Variants in SHROOM1 observed in about 807,000 individuals in gnomAD.
SHROOM1 encodes shroom family member 1, also known as protein Shroom1.
SHROOM1 carries 53 observed loss-of-function variants against 64.2 expected under a neutral mutation model. That is an observed-to-expected ratio of 0.83 (90% CI 0.66 to 1.04). The LOEUF is 1.04. Among genes scored for constraint, SHROOM1 ranks in the 50% least tolerant of loss-of-function variants. The probability of loss-of-function intolerance (pLI) is 0.00; values close to 1 mark genes in which losing one functional copy is unlikely to be tolerated. For missense variants in SHROOM1, 1,179 were observed against 1,163.2 expected (o/e 1.01, Z -0.20); for synonymous variants, 490 against 518.9 (o/e 0.94, Z 0.76).
In SHROOM1 at chr5:132,826,494, C is replaced by G. The variant is rs1176391797; in HGVS notation, c.-260G>C. 1 of 261,930 alleles carries G rather than the reference C, an allele frequency of 3.8e-6. No individual in the cohort carries two copies. Among genetic ancestry groups the G allele is most frequent in the Non-Finnish European group, 7.2e-6 (1 of 139,456 alleles). The allele number at this position is 261,930 out of a possible 1,614,324, so 16.2% of individuals were successfully genotyped here. A position where few individuals can be genotyped will look rare whatever the true frequency, so the allele number is the denominator to read the frequency against. On this transcript the variant is annotated 5_prime_UTR_variant, in exon 3 of 10. Transcript: ENST00000378679. ...GCCTTTACCCTGAGACCTCCTGGAA[C>G]GCTGAGAATGTACCCATGTTCCTTT...
chr5:132,824,467 A>T (rs750795652), intron 6 of SHROOM1, 48 bp from the exon 7 acceptor site: 1 of 1,522,718 alleles, frequency 6.6e-7, no homozygotes, highest in Non-Finnish European at 8.8e-7. Flanking sequence ...AGCCACAAAC[A>T]AATGGTGGCC....
At position 132,824,111 on chromosome 5, in the gene SHROOM1, C is replaced by T. The variant is rs1338955487; in HGVS notation, c.1550G>A (p.Gly517Asp). The T allele has an allele frequency of 2.5e-6, 4 of 1,614,082 alleles. No individual in the cohort carries two copies. Among genetic ancestry groups the T allele is most frequent in the Non-Finnish European group, 8.5e-7 (1 of 1,180,010 alleles). The change falls in exon 7 of 10, where the codon GGT becomes GAT. Residue 517 changes from glycine to aspartate, a missense_variant. Coordinates refer to ENST00000378679, the MANE Select transcript of SHROOM1 (RefSeq NM_001172700.2). ...ALGLSGNDTP[G>D]PSHNTALARG... ...GGCTAGGGCAGTATTGTGAGAGGGA[C>T]CTGGAGTATCATTGCCTGAAAGTCC...
Position 132,824,294 on chromosome 5 carries a change from C to T in SHROOM1, c.1367G>A (p.Gly456Glu), listed in dbSNP as rs1758576169. 21 of 1,613,716 alleles carry T rather than the reference C, an allele frequency of 1.3e-5. No individual in the cohort carries two copies. The highest frequency in any genetic ancestry group is 1.8e-5 in the Non-Finnish European group (21 of 1,179,824). The change falls in exon 7 of 10, where the codon GGG becomes GAG. Residue 456 changes from glycine to glutamate, a missense_variant. Coordinates refer to ENST00000378679, the MANE Select transcript of SHROOM1 (RefSeq NM_001172700.2). The part of the protein sequence containing the change: ...GTAGADDCWQ[G>E]VNGSVGISRP... The stretch of plus-strand genomic sequence containing the variant: ...GGAAATACCTACAGAACCATTCACC[C>T]CCTGCCAGCAGTCATCTGCCCCTGC...
chr5:132,825,936 C>A lies in SHROOM1; in HGVS notation c.205G>T (p.Gly69Cys). Reference sequence around the variant, plus strand: ...GCGTCGGGCGGGGCGGGGCCCGGGCCGCCCCAAACCACACGCACGTAGTCC... The same window carrying A: ...GCGTCGGGCGGGGCGGGGCCCGGGCAGCCCCAAACCACACGCACGTAGTCC... ...DWDYVRVVWG[G>C]PGPAPPDAAL... Residue 69 changes from glycine to cysteine, a missense_variant, in exon 4 of 10, where the codon GGC becomes TGC. Transcript: ENST00000378679. This position sits in a 1 kb window ranked among gnomAD's most constrained non-coding sequence, Gnocchi z 5.1. The A allele has an allele frequency of 7.2e-7, 1 of 1,391,140 alleles. No homozygotes were observed. Among genetic ancestry groups the A allele is most frequent in the Non-Finnish European group, 9.4e-7 (1 of 1,065,328 alleles). The allele number at this position is 1,391,140 out of a possible 1,614,324, so 86.2% of individuals were successfully genotyped here.
chr5:132,830,247 T>G lies in SHROOM1; in HGVS notation c.-501+347A>C. The G allele has an allele frequency of 1.0e-6, 1 of 985,240 alleles. No individual in the cohort carries two copies. The highest frequency in any genetic ancestry group is 1.2e-6 in the Non-Finnish European group (1 of 829,856). The allele number at this position is 985,240 out of a possible 1,614,324, so 61.0% of individuals were successfully genotyped here. ...GAAGGACCCGGCTTCTCCAGATGCT[T>G]GGCGACAAAGGGCAGGAGCGGAGGG... On this transcript the variant is annotated intron_variant, in intron 1 of 9. Coordinates refer to ENST00000378679, the MANE Select transcript of SHROOM1 (RefSeq NM_001172700.2). This position sits in a 1 kb window ranked among gnomAD's most constrained non-coding sequence, Gnocchi z 5.9.
chr5:132,823,521 A>G lies in SHROOM1; in HGVS notation c.1955T>C (p.Val652Ala), dbSNP rs1758532188. Residue 652 changes from valine (V) to alanine (A), a missense_variant and splice_region_variant, in exon 9 of 10, where the codon GTG becomes GCG. Coordinates refer to ENST00000378679, the MANE Select transcript of SHROOM1 (RefSeq NM_001172700.2). This position sits in a 1 kb window ranked among gnomAD's most constrained non-coding sequence, Gnocchi z 4.6. ...APNNSIQGKK[V>A]ELAARLQKML... ...CTTTTGGAGGCGGGCGGCCAGCTCCACCTACAGGGAAGGCTCAAGGCTGGG... is the reference window on the plus strand; with the variant it reads ...CTTTTGGAGGCGGGCGGCCAGCTCCGCCTACAGGGAAGGCTCAAGGCTGGG... The G allele has an allele frequency of 1.3e-6, 2 of 1,597,982 alleles. No individual in the cohort carries two copies. Among genetic ancestry groups the G allele is most frequent in the African/African-American group, 1.3e-5 (1 of 74,556 alleles).
rs112401542 is a variant in SHROOM1, at chr5:132,824,705, G to T, written c.1151C>A (p.Ser384Tyr). The T allele has an allele frequency of 8.7e-6, 14 of 1,614,126 alleles. No individual in the cohort carries two copies. In the African/African-American group the frequency reaches 1.7e-4, roughly 20 times the overall value. ...ETCIVPAWLP[S>Y]LPDEVFLEEA... ...TTCTAGGAACACTTCATCAGGAAGGGAGGGGAGCCAGGCAGGCACAATGCA... is the reference window on the plus strand; with the variant it reads ...TTCTAGGAACACTTCATCAGGAAGGTAGGGGAGCCAGGCAGGCACAATGCA... Residue 384 changes from serine to tyrosine, a missense_variant, in exon 6 of 10, where the codon TCC (serine) becomes TAC (tyrosine). Ser to Tyr is a moderately radical substitution (Grantham distance 144). Transcript: ENST00000378679.
At position 132,825,572 on chromosome 5, in the gene SHROOM1, C is replaced by T; in HGVS notation, c.569G>A (p.Ser190Asn). 1.4e-6 allele frequency: 2 copies of T among 1,404,918 alleles called. No individual in the cohort carries two copies. The highest frequency in any genetic ancestry group is 1.8e-6 in the Non-Finnish European group (2 of 1,088,106). The allele number at this position is 1,404,918 out of a possible 1,614,324, so 87.0% of individuals were successfully genotyped here. A position where few individuals can be genotyped will look rare whatever the true frequency, so the allele number is the denominator to read the frequency against. Reference sequence around the variant, plus strand: ...CGGCTCCCCCTCCCCGCCCGGGTGGCTGAGCGAGGCGGAGCGCGGGTGAGT... The same window carrying T: ...CGGCTCCCCCTCCCCGCCCGGGTGGTTGAGCGAGGCGGAGCGCGGGTGAGT... ...PATHPRSASL[S>N]HPGGEGEPAR... Residue 190 changes from serine to asparagine, a missense_variant, in exon 4 of 10, where the codon AGC becomes AAC. By Grantham distance (46) the Ser-to-Asn change is conservative (BLOSUM62 1). Transcript: ENST00000378679. This position sits in a 1 kb window ranked among gnomAD's most constrained non-coding sequence, Gnocchi z 5.1.
intron 1 of SHROOM1, chr5:132,829,696 GT>G: frequency 1.0e-6 from 1 of 985,424 alleles, no homozygotes. Flanking sequence ...GGCTCACTGT[GT>G]AGGCGCTGTC....
chr5:132,828,162 A>G (rs1478698036), intron 1 of SHROOM1, among the ~76,000 whole-genome samples: 1 of 151,912 alleles, frequency 6.6e-6, no homozygotes, highest in African/African-American at 2.4e-5. Context: ...GCTCAGAGTC[A>G]CCCTCCACCC....
At chr5:132,829,641 G>C in intron 1 of SHROOM1, 1 of 985,426 alleles carries the variant, frequency 1.0e-6, no homozygotes, top group Non-Finnish European at 1.2e-6. Flanking sequence ...CTCTGTGGAG[G>C]GGCTATCCAG....
Position 132,823,241 on chromosome 5 carries a change from C to A in SHROOM1, c.2226+9G>T. On this transcript the variant is annotated intron_variant, in intron 9 of 9. Transcript: ENST00000378679. The surrounding 1 kb of genome is among the most constrained non-coding windows in gnomAD (Gnocchi z 4.6). ...CGCCCTACTCGCTTGCAACCTGAAC[C>A]CCTTTTACCTGCTCATCAGGGTCGC... 6.3e-7 allele frequency: 1 copy of A among 1,588,546 alleles called. No individual in the cohort carries two copies. Among genetic ancestry groups the A allele is most frequent in the Non-Finnish European group, 8.5e-7 (1 of 1,174,012 alleles).
In SHROOM1 at chr5:132,826,387, C is replaced by T; in HGVS notation, c.-153G>A. The stretch of plus-strand genomic sequence containing the variant: ...AAGTAGGACCAGTCCCAGGGAGCAC[C>T]TCTGAAGGTTGAGGGCCCAGCTCAG... On this transcript the variant is annotated 5_prime_UTR_variant, in exon 3 of 10. Transcript: ENST00000378679. The T allele has an allele frequency of 2.5e-6, 2 of 809,772 alleles. No homozygotes were observed. Among genetic ancestry groups the T allele is most frequent in the Non-Finnish European group, 3.3e-6 (2 of 604,768 alleles). 50.2% of individuals were successfully genotyped at this position (809,772 alleles called of 1,614,324 possible). A position where few individuals can be genotyped will look rare whatever the true frequency, so the allele number is the denominator to read the frequency against.
chr5:132,825,879 C>CG lies in SHROOM1; in HGVS notation c.261dup (p.Ala88ArgfsTer158). ...TGCGGCCCACTGCGGGCTGCAACCG[C>CG]GGGCCGGGGCCGCGGGGATGTGCAA... On this transcript the variant is annotated frameshift_variant, in exon 4 of 10. Transcript: ENST00000378679. LOFTEE classifies it high-confidence loss of function. This position sits in a 1 kb window ranked among gnomAD's most constrained non-coding sequence, Gnocchi z 5.1. 1.5e-6 allele frequency: 2 copies of CG among 1,301,776 alleles called. No individual in the cohort carries two copies. The highest frequency in any genetic ancestry group is 2.0e-6 in the Non-Finnish European group (2 of 1,019,780). The allele number at this position is 1,301,776 out of a possible 1,614,324, so 80.6% of individuals were successfully genotyped here. A position where few individuals can be genotyped will look rare whatever the true frequency, so the allele number is the denominator to read the frequency against.
rs758407132 is a variant in SHROOM1, at chr5:132,824,840, T to C, written c.1035-19A>G. ...CAAGAACCTGGAGGCAGGGACCCCA[T>C]AGTGACCACAGTGAAAGGAAGGAAG... On this transcript the variant is annotated intron_variant, in intron 5 of 9. Transcript: ENST00000378679. The C allele has an allele frequency of 3.1e-6, 5 of 1,613,200 alleles. No individual in the cohort carries two copies. The East Asian group carries it at 6.7e-5, about 22-fold the overall frequency.
chr5:132,825,079 AG>A lies in SHROOM1; in HGVS notation c.979-7del. 1 of 1,614,120 alleles carries A rather than the reference AG, an allele frequency of 6.2e-7. No individual in the cohort carries two copies. The highest frequency in any genetic ancestry group is 8.5e-7 in the Non-Finnish European group (1 of 1,180,010). Reference sequence around the variant, plus strand: ...TCTGCTCCTTGGGGAACAGCCTGGAAGGGTGAACAGTCGACTGAAATGTGGC... The same window carrying A: ...TCTGCTCCTTGGGGAACAGCCTGGAAGGTGAACAGTCGACTGAAATGTGGC... On this transcript the variant is annotated splice_polypyrimidine_tract_variant and splice_region_variant and intron_variant, in intron 4 of 9. Coordinates refer to ENST00000378679, the MANE Select transcript of SHROOM1 (RefSeq NM_001172700.2). This position sits in a 1 kb window ranked among gnomAD's most constrained non-coding sequence, Gnocchi z 5.1.
At position 132,824,338 on chromosome 5, in the gene SHROOM1, G is replaced by A. The variant is rs986247785; in HGVS notation, c.1323C>T (p.Leu441=). ...CCCCTGCAGTTCCTGGACACTCATG[G>A]AGCGGGTACTCTGTGGGGACTGTAA... The part of the protein sequence containing the change: ...GQVTVPTEYP[L]HECPGTAGAD... Residue 441 remains leucine, a synonymous_variant, in exon 7 of 10, where the codon CTC becomes CTT. Coordinates refer to ENST00000378679, the MANE Select transcript of SHROOM1 (RefSeq NM_001172700.2). 1 of 1,609,682 alleles carries A rather than the reference G, an allele frequency of 6.2e-7. No homozygotes were observed. Among genetic ancestry groups the A allele is most frequent in the Admixed American group, 1.7e-5 (1 of 59,782 alleles).
chr5:132,824,292 C>A lies in SHROOM1; in HGVS notation c.1369G>T (p.Val457Leu). The A allele has an allele frequency of 6.2e-7, 1 of 1,613,688 alleles. No individual in the cohort carries two copies. Among genetic ancestry groups the A allele is most frequent in the Non-Finnish European group, 8.5e-7 (1 of 1,179,816 alleles). The change falls in exon 7 of 10, where the codon GTG becomes TTG. Residue 457 changes from valine to leucine, a missense_variant. Physicochemically the swap from Val to Leu is conservative, Grantham distance 32. Transcript: ENST00000378679. Reference sequence around the variant, plus strand: ...CTGGAAATACCTACAGAACCATTCACCCCCTGCCAGCAGTCATCTGCCCCT... The same window carrying A: ...CTGGAAATACCTACAGAACCATTCAACCCCTGCCAGCAGTCATCTGCCCCT... ...TAGADDCWQGVNGSVGISRPT... is the reference protein window; with the variant it reads ...TAGADDCWQGLNGSVGISRPT...
In SHROOM1 at chr5:132,825,870, C is replaced by T. The variant is rs1476188689; in HGVS notation, c.271G>A (p.Ala91Thr). ...TCTGTTGGCTGCGGCCCACTGCGGGCTGCAACCGCGGGCCGGGGCCGCGGG... is the reference window on the plus strand; with the variant it reads ...TCTGTTGGCTGCGGCCCACTGCGGGTTGCAACCGCGGGCCGGGGCCGCGGG... Reference protein sequence around the residue: ...TSPRPRPAVAARSGPQPTEVP... With the variant: ...TSPRPRPAVATRSGPQPTEVP... The change falls in exon 4 of 10, where the codon GCC becomes ACC. Residue 91 changes from alanine (A) to threonine (T), a missense_variant. Coordinates refer to ENST00000378679, the MANE Select transcript of SHROOM1 (RefSeq NM_001172700.2). This position sits in a 1 kb window ranked among gnomAD's most constrained non-coding sequence, Gnocchi z 5.1. 13 of 1,300,588 alleles carry T rather than the reference C, an allele frequency of 1.0e-5. No individual in the cohort carries two copies. Among genetic ancestry groups the T allele is most frequent in the Non-Finnish European group, 1.2e-5 (12 of 1,019,536 alleles). The allele number at this position is 1,300,588 out of a possible 1,614,324, so 80.6% of individuals were successfully genotyped here.
Sources: allele counts gnomAD v4.1 joint callset (sites outside exome capture counted in the v4.1 genomes callset), GRCh38; gene constraint gnomAD v4.1.1; non-coding constraint Gnocchi (gnomAD v3.1); transcripts MANE v1.5; gene names NCBI Gene and HGNC (gene_info 2026-07-23, HGNC 2026-07-21).